Variants in HTR1F observed in about 807,000 individuals in gnomAD.
The protein encoded by HTR1F is 5-hydroxytryptamine receptor 1F, also known as 5-hydroxytryptamine (serotonin) receptor 1F, G protein-coupled.
Under a neutral mutation model 24.0 loss-of-function variants are expected in HTR1F, and 17 were observed. The observed-to-expected ratio is 0.71, with a 90% CI of 0.48 to 1.06. The LOEUF is 1.06. Ranked by LOEUF, HTR1F falls within the 50% of genes least tolerant of loss-of-function variation. HTR1F has a pLI of 0.00. For missense variants in HTR1F, 391 were observed against 427.8 expected (o/e 0.91, Z 0.76); for synonymous variants, 186 against 156.8 (o/e 1.19, Z -1.39).
At chr3:87,881,482 G>A (rs1202913005) in intron 2 of HTR1F, among the ~76,000 whole-genome samples, 2 of 152,146 alleles carry the variant, frequency 1.3e-5, no homozygotes, top group Non-Finnish European at 2.9e-5. Flanking sequence ...TGCCTCTGTT[G>A]ACTCCACCTC....
At chr3:87,806,058 G>T (rs1704068845) in intron 1 of HTR1F, among the ~76,000 whole-genome samples, 1 of 151,990 alleles carries the variant, frequency 6.6e-6, no homozygotes, top group Admixed American at 6.6e-5. Flanking sequence ...ATGACCGCCA[G>T]TTCCATGCAC....
chr3:87,953,352 C>CAA (rs36096688), intron 2 of HTR1F, among the ~76,000 whole-genome samples: 2 of 144,206 alleles, frequency 1.4e-5, no homozygotes, highest in African/African-American at 4.9e-5. Context: ...GATTTAACGG[C>CAA]AAAAAAAAAA....
intron 2 of HTR1F, among the ~76,000 whole-genome samples, chr3:87,941,835 T>G (rs1704576565): frequency 6.6e-6 from 1 of 152,166 alleles, no homozygotes. Context: ...ATGGCCTCAC[T>G]GATAATCCTG....
At chr3:87,988,451 C>CTGA (rs1242657838) in intron 2 of HTR1F, among the ~76,000 whole-genome samples, 2 of 152,114 alleles carry the variant, frequency 1.3e-5, no homozygotes, top group African/African-American at 4.8e-5. Flanking sequence ...CAGTGAATGT[C>CTGA]TGAAGAGAAA....
chr3:87,966,865 C>T lies in HTR1F; in HGVS notation c.-42-23843C>T, dbSNP rs551610775. ...CAAGACATATAATCCAACAATGTTC[C>T]TTTCCTACTCTCATATGGCTACAGA... On this transcript the variant is annotated intron_variant, in intron 2 of 2. Coordinates refer to ENST00000319595, the MANE Select transcript of HTR1F (RefSeq NM_001322209.2). Among the ~76,000 whole-genome samples the T allele has an allele frequency of 3.4e-4, 51 of 152,158 alleles. 1 individual carries two copies. The South Asian group carries it at 0.011, about 32-fold the overall frequency.
intron 2 of HTR1F, among the ~76,000 whole-genome samples, chr3:87,962,730 G>A (rs1315077314): frequency 1.3e-5 from 2 of 151,856 alleles, no homozygotes; most frequent in Non-Finnish European, 2.9e-5. Flanking sequence ...CAGAATCTCT[G>A]AAGTATCTAA....
At chr3:87,879,524 C>T (rs1203843388) in intron 2 of HTR1F, among the ~76,000 whole-genome samples, 1 of 152,148 alleles carries the variant, frequency 6.6e-6, no homozygotes, top group African/African-American at 2.4e-5. Flanking sequence ...CCTCTCTCCC[C>T]TCCCCACACA....
chr3:87,938,045 G>A (rs1392024717), intron 2 of HTR1F, among the ~76,000 whole-genome samples: 1 of 152,100 alleles, frequency 6.6e-6, no homozygotes, highest in Non-Finnish European at 1.5e-5. Context: ...CAGTCCCACA[G>A]TGTAAGCCCA....
chr3:87,916,864 C>A (rs1328657526), intron 2 of HTR1F, among the ~76,000 whole-genome samples: 5 of 152,088 alleles, frequency 3.3e-5, no homozygotes, highest in Non-Finnish European at 5.9e-5. Flanking sequence ...AACAAAGGGA[C>A]TTAACAGCTA....
At chr3:87,933,936 C>T (rs1371948016) in intron 2 of HTR1F, among the ~76,000 whole-genome samples, 1 of 152,186 alleles carries the variant, frequency 6.6e-6, no homozygotes, top group African/African-American at 2.4e-5. Context: ...TGGGATCAGC[C>T]TATACATGTA....
chr3:87,988,647 G>A (rs778158834), intron 2 of HTR1F, among the ~76,000 whole-genome samples: 60 of 152,064 alleles, frequency 3.9e-4, no homozygotes, highest in Non-Finnish European at 2.5e-4. Flanking sequence ...GCAGTGGCAC[G>A]ATTTTGGCTC....
chr3:87,891,264 A>G (rs1706079499), intron 2 of HTR1F, among the ~76,000 whole-genome samples: 1 of 152,116 alleles, frequency 6.6e-6, no homozygotes. Context: ...GAGATATCTA[A>G]TAAAAATACA....
intron 2 of HTR1F, among the ~76,000 whole-genome samples, chr3:87,858,028 G>A (rs553674419): frequency 2.0e-5 from 3 of 151,986 alleles, no homozygotes; most frequent in African/African-American, 7.2e-5. Context: ...TTACTCTATC[G>A]GTCCTTTGGT....
rs1400415454 is a variant in HTR1F, at chr3:87,845,382, A to C, written c.-43+23258A>C. Among the ~76,000 whole-genome samples the C allele has an allele frequency of 2.0e-5, 3 of 151,336 alleles. No homozygotes were observed. The East Asian group carries it at 5.8e-4, about 29-fold the overall frequency. On this transcript the variant is annotated intron_variant, in intron 2 of 2. Transcript: ENST00000319595. ...CTTAAGCTGATAAGCAACTTCAGCA[A>C]AGTCTCAGGATACAAAATCAATGTG...
chr3:87,984,746 C>T (rs563457340), intron 2 of HTR1F, among the ~76,000 whole-genome samples: 2 of 152,246 alleles, frequency 1.3e-5, no homozygotes, highest in South Asian at 4.1e-4. Context: ...GCGTGCACCA[C>T]CACACCCAGC....
At chr3:87,985,367 C>T (rs1462779608) in intron 2 of HTR1F, among the ~76,000 whole-genome samples, 1 of 151,492 alleles carries the variant, frequency 6.6e-6, no homozygotes, top group African/African-American at 2.4e-5. Context: ...AAAGTAGTTA[C>T]TTGATAAGCC....
At chr3:87,981,393 C>T (rs1384234400) in intron 2 of HTR1F, among the ~76,000 whole-genome samples, 1 of 152,286 alleles carries the variant, frequency 6.6e-6, no homozygotes, top group East Asian at 1.9e-4. Context: ...CAGGGTTTCA[C>T]CGTGTTGCCC....
At chr3:87,873,071 T>C (rs895282512) in intron 2 of HTR1F, among the ~76,000 whole-genome samples, 21 of 149,350 alleles carry the variant, frequency 1.4e-4, no homozygotes, top group Non-Finnish European at 2.2e-4. Flanking sequence ...ATCAATACAA[T>C]GGATGGATAC....
chr3:87,943,893 T>A (rs1704632102), intron 2 of HTR1F, among the ~76,000 whole-genome samples: 1 of 152,100 alleles, frequency 6.6e-6, no homozygotes, highest in South Asian at 2.1e-4. Context: ...CCAGAATACA[T>A]CTTAGGGGCG....
Sources: allele counts gnomAD v4.1 joint callset (sites outside exome capture counted in the v4.1 genomes callset), GRCh38; gene constraint gnomAD v4.1.1; transcripts MANE v1.5; gene names NCBI Gene and HGNC (gene_info 2026-07-23, HGNC 2026-07-21).